The following WNT9A variants were observed in gnomAD, a reference collection of about 807,000 sequenced individuals.
The protein encoded by WNT9A is Wnt family member 9A.
Under a neutral mutation model 31.4 loss-of-function variants are expected in WNT9A, and 8 were observed. The observed-to-expected ratio is 0.26, with a 90% CI of 0.15 to 0.46. WNT9A has a LOEUF of 0.46. Ranked by LOEUF, WNT9A falls within the 20% of genes least tolerant of loss-of-function variation. The pLI, the probability that WNT9A is intolerant of heterozygous loss-of-function variation, is 0.99. For synonymous variants in WNT9A, 236 were observed against 220.1 expected (o/e 1.07, Z -0.64); for missense variants, 457 against 522.9 (o/e 0.87, Z 1.23).
chr1:227,927,777 C>A (rs947442191), intron 1 of WNT9A, among the ~76,000 whole-genome samples: 2 of 152,108 alleles, frequency 1.3e-5, no homozygotes, highest in African/African-American at 4.8e-5. Flanking sequence ...CCGCCAGGAC[C>A]CACGAGCCCC....
At position 227,924,414 on chromosome 1, in the gene WNT9A, G is replaced by A; in HGVS notation, c.353-14C>T. The A allele has an allele frequency of 1.2e-6, 2 of 1,604,738 alleles. No individual in the cohort carries two copies. The highest frequency in any genetic ancestry group is 1.7e-6 in the Non-Finnish European group (2 of 1,172,986). Reference sequence around the variant, plus strand: ...TCTCCTTGAAGCCTGGGGTTGGCAAGGGCCGATCAGTGAGCCCAGGCTGCC... The same window carrying A: ...TCTCCTTGAAGCCTGGGGTTGGCAAAGGCCGATCAGTGAGCCCAGGCTGCC... On this transcript the variant is annotated splice_polypyrimidine_tract_variant and intron_variant, in intron 2 of 3. Coordinates refer to ENST00000272164, the MANE Select transcript of WNT9A (RefSeq NM_003395.4).
At chr1:227,946,053 G>A in intron 1 of WNT9A, among the ~76,000 whole-genome samples, 1 of 152,386 alleles carries the variant, frequency 6.6e-6, no homozygotes, top group East Asian at 1.9e-4. Flanking sequence ...CCCTCAGACA[G>A]GACTCAGGAA....
chr1:227,933,900 T>G (rs1245421115), intron 1 of WNT9A, among the ~76,000 whole-genome samples: 1 of 152,216 alleles, frequency 6.6e-6, no homozygotes, highest in Non-Finnish European at 1.5e-5. Context: ...GCTTTCTGTC[T>G]TGATGGATTT....
At chr1:227,927,922 A>G (rs1476801746) in intron 1 of WNT9A, among the ~76,000 whole-genome samples, 2 of 151,616 alleles carry the variant, frequency 1.3e-5, no homozygotes, top group Non-Finnish European at 2.9e-5. Context: ...GGGGAGGGGA[A>G]AAGGGGAGAG....
intron 1 of WNT9A, among the ~76,000 whole-genome samples, chr1:227,939,815 T>A (rs1666662298): frequency 6.6e-6 from 1 of 152,082 alleles, no homozygotes; most frequent in African/African-American, 2.4e-5. Flanking sequence ...TGAAACAAAA[T>A]CAAAACAAAT....
In WNT9A at chr1:227,942,985, C is replaced by T. The variant is rs1666731886; in HGVS notation, c.95+4808G>A. Among the ~76,000 whole-genome samples, 1 of 150,886 alleles carries T rather than the reference C, an allele frequency of 6.6e-6. No individual in the cohort carries two copies. ...CTTCTCCGGCCCTGCCAGGGACCCA[C>T]AGGTGCCCCTCATCCAGGCAGCCAG... On this transcript the variant is annotated intron_variant, in intron 1 of 3. Transcript: ENST00000272164. The surrounding 1 kb of genome is among the most constrained non-coding windows in gnomAD (Gnocchi z 5.7).
At position 227,925,237 on chromosome 1, in the gene WNT9A, C is replaced by A; in HGVS notation, c.352+26G>T. On this transcript the variant is annotated intron_variant, in intron 2 of 3. Transcript: ENST00000272164. The surrounding 1 kb of genome is among the most constrained non-coding windows in gnomAD (Gnocchi z 6.0). ...GGGCTGCCACCTGTCTGGGGCCTTC[C>A]TGAGGGCCAGGCCGGCCACACTCAC... The A allele has an allele frequency of 6.6e-7, 1 of 1,514,822 alleles. No individual in the cohort carries two copies. Among genetic ancestry groups the A allele is most frequent in the Non-Finnish European group, 8.9e-7 (1 of 1,128,412 alleles). 93.8% of individuals were successfully genotyped at this position (1,514,822 alleles called of 1,614,324 possible).
chr1:227,946,857 C>G (rs1011218067), intron 1 of WNT9A, among the ~76,000 whole-genome samples: 4 of 151,840 alleles, frequency 2.6e-5, no homozygotes, highest in African/African-American at 9.7e-5. Flanking sequence ...GGCGGCGGCC[C>G]GGCTGAGGGA....
chr1:227,927,348 T>A (rs753522381), intron 1 of WNT9A, among the ~76,000 whole-genome samples: 3 of 152,024 alleles, frequency 2.0e-5, no homozygotes, highest in Non-Finnish European at 4.4e-5. Flanking sequence ...ACGGGCCCCA[T>A]GCAGCACAAT....
intron 1 of WNT9A, among the ~76,000 whole-genome samples, chr1:227,945,398 C>A (rs959629551): frequency 2.0e-5 from 3 of 152,176 alleles, no homozygotes; most frequent in African/African-American, 7.2e-5. Context: ...CTCTTCCCCA[C>A]AGGGGGTCCA....
Position 227,919,386 on chromosome 1 carries a change from C to A in WNT9A, c.*2132G>T, listed in dbSNP as rs1459724931. ...AGCTGCAGGCACATGTCGGGGTGCTCTCTGAACCACAGGAGAATAAAGGTT... is the reference window on the plus strand; with the variant it reads ...AGCTGCAGGCACATGTCGGGGTGCTATCTGAACCACAGGAGAATAAAGGTT... On this transcript the variant is annotated 3_prime_UTR_variant, in exon 4 of 4. Coordinates refer to ENST00000272164, the MANE Select transcript of WNT9A (RefSeq NM_003395.4). 1 of 152,202 alleles carries A rather than the reference C, an allele frequency of 6.6e-6. No homozygotes were observed. The highest frequency in any genetic ancestry group is 1.9e-4 in the East Asian group (1 of 5,198). 9.4% of individuals were successfully genotyped at this position (152,202 alleles called of 1,614,324 possible). A position where few individuals can be genotyped will look rare whatever the true frequency, so the allele number is the denominator to read the frequency against.
At chr1:227,923,214 G>C (rs1301615135) in intron 3 of WNT9A, among the ~76,000 whole-genome samples, 4 of 151,902 alleles carry the variant, frequency 2.6e-5, no homozygotes, top group Non-Finnish European at 5.9e-5. Context: ...CAATCAAGTG[G>C]GGCTCACAGC....
chr1:227,921,359 A>G lies in WNT9A; in HGVS notation c.*159T>C. On this transcript the variant is annotated 3_prime_UTR_variant, in exon 4 of 4. Coordinates refer to ENST00000272164, the MANE Select transcript of WNT9A (RefSeq NM_003395.4). The stretch of plus-strand genomic sequence containing the variant: ...CTGCTAGGTCTGAGCCCAGGGACTC[A>G]GCCCATGCAGGTGTAGACCCATTCA... The G allele has an allele frequency of 8.3e-7, 1 of 1,205,764 alleles. No individual in the cohort carries two copies. Among genetic ancestry groups the G allele is most frequent in the Non-Finnish European group, 1.1e-6 (1 of 877,046 alleles). 74.7% of individuals were successfully genotyped at this position (1,205,764 alleles called of 1,614,324 possible).
chr1:227,924,004 T>C, intron 3 of WNT9A, 134 bp downstream of exon 3: 1 of 1,279,196 alleles, frequency 7.8e-7, no homozygotes, highest in South Asian at 1.5e-5. Context: ...GCCTCCACCC[T>C]CCTACAGGAG....
chr1:227,941,574 C>A (rs909761461), intron 1 of WNT9A: 1 of 154,288 alleles, frequency 6.5e-6, no homozygotes, highest in African/African-American at 2.4e-5. Flanking sequence ...GGGCTTCCTG[C>A]AAGAAGCAGC....
Position 227,926,651 on chromosome 1 carries a change from C to A in WNT9A, c.96-1132G>T, listed in dbSNP as rs940071634. 3.9e-5 allele frequency among the ~76,000 whole-genome samples: 6 copies of A among 152,066 alleles called. No individual in the cohort carries two copies. The highest frequency in any genetic ancestry group is 7.4e-5 in the Non-Finnish European group (5 of 68,018). Reference sequence around the variant, plus strand: ...CCTCCAGCCCTTAGGAGGGCACCCACCTGGACAGGGCCAGGGCTTGGAGGC... The same window carrying A: ...CCTCCAGCCCTTAGGAGGGCACCCAACTGGACAGGGCCAGGGCTTGGAGGC... On this transcript the variant is annotated intron_variant, in intron 1 of 3. Transcript: ENST00000272164. The surrounding 1 kb of genome is among the most constrained non-coding windows in gnomAD (Gnocchi z 5.0).
rs772457737 is a variant in WNT9A at position 227,924,118 on chromosome 1, G to A, written c.615+20C>T. 1.6e-4 allele frequency: 95 copies of A among 598,768 alleles called. No individual in the cohort carries two copies. The highest frequency in any genetic ancestry group is 4.1e-4 in the African/African-American group (8 of 19,562). The allele number at this position is 598,768 out of a possible 1,614,324, so 37.1% of individuals were successfully genotyped here. ...CTTTCTGACCCTCCCTTCCCACCCCGCCAGCCCCACCCCACTTGCCTTCAC... is the reference window on the plus strand; with the variant it reads ...CTTTCTGACCCTCCCTTCCCACCCCACCAGCCCCACCCCACTTGCCTTCAC... On this transcript the variant is annotated intron_variant, in intron 3 of 3. Transcript: ENST00000272164.
intron 1 of WNT9A, among the ~76,000 whole-genome samples, chr1:227,946,016 C>T (rs888629037): frequency 2.6e-5 from 4 of 152,202 alleles, no homozygotes; most frequent in African/African-American, 9.6e-5. Flanking sequence ...CTCTGGACTT[C>T]CCACAGGGCA....
chr1:227,947,896 G>A lies in WNT9A; in HGVS notation c.-9C>T, dbSNP rs1035841754. On this transcript the variant is annotated 5_prime_UTR_variant, in exon 1 of 4. Coordinates refer to ENST00000272164, the MANE Select transcript of WNT9A (RefSeq NM_003395.4). ...GGGGACCCATCCAGCATCTTGCCGC[G>A]CCTCGGCGGCCGACCATCGCGCTCC... The A allele has an allele frequency of 6.6e-6, 7 of 1,063,716 alleles. No homozygotes were observed. Among genetic ancestry groups the A allele is most frequent in the African/African-American group, 3.4e-5 (2 of 58,652 alleles). The allele number at this position is 1,063,716 out of a possible 1,614,324, so 65.9% of individuals were successfully genotyped here.
Sources: allele counts gnomAD v4.1 joint callset (sites outside exome capture counted in the v4.1 genomes callset), GRCh38; gene constraint gnomAD v4.1.1; non-coding constraint Gnocchi (gnomAD v3.1); transcripts MANE v1.5; gene names NCBI Gene and HGNC (gene_info 2026-07-23, HGNC 2026-07-21).